ZNF490: variants seen among roughly 807,000 people sequenced by gnomAD.
ZNF490 encodes zinc finger protein 490.
Under a neutral mutation model 17.7 loss-of-function variants are expected in ZNF490, and 11 were observed. That is an observed-to-expected ratio of 0.62 (90% CI 0.39 to 1.03). The LOEUF (loss-of-function observed/expected upper bound fraction) is 1.03, where lower values mean the gene tolerates loss of function less well. Among genes scored for constraint, ZNF490 ranks in the 50% least tolerant of loss-of-function variants. The pLI, the probability that ZNF490 is intolerant of heterozygous loss-of-function variation, is 0.00. For synonymous variants in ZNF490, 222 were observed against 216.1 expected (o/e 1.03, Z -0.24); for missense variants, 542 against 643.4 (o/e 0.84, Z 1.71).
At chr19:12,598,130 A>G (rs2022957454) in intron 2 of ZNF490, among the ~76,000 whole-genome samples, 1 of 151,860 alleles carries the variant, frequency 6.6e-6, no homozygotes, top group African/African-American at 2.4e-5. Context: ...AGGCTGAGGC[A>G]GGAGAATCAC....
intron 2 of ZNF490, among the ~76,000 whole-genome samples, chr19:12,592,075 C>T (rs568382112): frequency 2.0e-5 from 3 of 152,284 alleles, no homozygotes; most frequent in South Asian, 2.1e-4. Context: ...CGGTGGCTCA[C>T]GCCTGTAATC....
intron 4 of ZNF490, 101 bp downstream of exon 4, chr19:12,582,749 A>T: frequency 9.4e-7 from 1 of 1,064,830 alleles, no homozygotes; most frequent in Non-Finnish European, 1.4e-6. Context: ...GAATGAATAA[A>T]CCTGAAACTC....
intron 1 of ZNF490, among the ~76,000 whole-genome samples, chr19:12,610,206 C>CT (rs59664090): frequency 7.8e-6 from 1 of 129,022 alleles, no homozygotes; most frequent in Non-Finnish European, 1.6e-5. Context: ...TCTTTCTTTC[C>CT]TTTTTTTTTT....
intron 2 of ZNF490, among the ~76,000 whole-genome samples, chr19:12,601,913 G>C (rs2023009682): frequency 6.6e-6 from 1 of 151,402 alleles, no homozygotes; most frequent in South Asian, 2.1e-4. Context: ...AGAATGGCGT[G>C]AACCCGGGAG....
chr19:12,607,260 G>A (rs992952850), intron 2 of ZNF490, among the ~76,000 whole-genome samples: 7 of 150,108 alleles, frequency 4.7e-5, no homozygotes, highest in African/African-American at 1.2e-4. Context: ...GCATGATCTC[G>A]GCTCACTGCA....
At position 12,581,728 on chromosome 19, in the gene ZNF490, T is replaced by C; in HGVS notation, c.351-4A>G. 6.3e-7 allele frequency: 1 copy of C among 1,597,646 alleles called. No homozygotes were observed. The highest frequency in any genetic ancestry group is 8.5e-7 in the Non-Finnish European group (1 of 1,171,598). On this transcript the variant is annotated splice_polypyrimidine_tract_variant and splice_region_variant and intron_variant, in intron 4 of 4. Coordinates refer to ENST00000311437, the MANE Select transcript of ZNF490 (RefSeq NM_020714.3). ...GAGTGCTTCAACCATAGGACTTCTG[T>C]AAAGAATGAGTACCGTATTATTAAT...
At chr19:12,607,410 GT>G (rs1243483113) in intron 2 of ZNF490, among the ~76,000 whole-genome samples, 2 of 151,908 alleles carry the variant, frequency 1.3e-5, no homozygotes, top group African/African-American at 4.8e-5. Context: ...CCTAGTCCTA[GT>G]TCCAGCTACT....
Position 12,593,629 on chromosome 19 carries a change from G to A in ZNF490, c.163-10073C>T, listed in dbSNP as rs139630713. On this transcript the variant is annotated intron_variant, in intron 2 of 4. Coordinates refer to ENST00000311437, the MANE Select transcript of ZNF490 (RefSeq NM_020714.3). Reference sequence around the variant, plus strand: ...AGAGTGTGTAAACATGTGCAGATGGGATTTATTGTTGGCCACTGCTAAGAT... The same window carrying A: ...AGAGTGTGTAAACATGTGCAGATGGAATTTATTGTTGGCCACTGCTAAGAT... Among the ~76,000 whole-genome samples, 7 of 152,274 alleles carry A rather than the reference G, an allele frequency of 4.6e-5. No individual in the cohort carries two copies. In the East Asian group the frequency reaches 1.4e-3, roughly 29 times the overall value.
At position 12,579,567 on chromosome 19, in the gene ZNF490, T is replaced by C. The variant is rs2022696539; in HGVS notation, c.*918A>G. Reference sequence around the variant, plus strand: ...AAAAAAAAAAAGTAAAACGAACAATTTGGGAGGCCAAGGTGGGTGGATCAT... The same window carrying C: ...AAAAAAAAAAAGTAAAACGAACAATCTGGGAGGCCAAGGTGGGTGGATCAT... On this transcript the variant is annotated 3_prime_UTR_variant, in exon 5 of 5. Transcript: ENST00000311437. The C allele has an allele frequency of 6.6e-6, 1 of 151,222 alleles. No individual in the cohort carries two copies. Among genetic ancestry groups the C allele is most frequent in the Admixed American group, 6.6e-5 (1 of 15,184 alleles). 9.4% of individuals were successfully genotyped at this position (151,222 alleles called of 1,614,324 possible).
At chr19:12,597,210 C>T in intron 2 of ZNF490, 1 of 457,902 alleles carries the variant, frequency 2.2e-6, no homozygotes, top group South Asian at 1.5e-5. Context: ...ACCTGCAGGT[C>T]CCAGTGAGAC....
At chr19:12,583,617 T>C (rs1298943779) in intron 2 of ZNF490, 61 bp from the exon 3 acceptor site, 3 of 1,460,690 alleles carry the variant, frequency 2.1e-6, no homozygotes, top group African/African-American at 1.4e-5. Context: ...TGAGGATCCA[T>C]TCTCAGAATT....
rs779198275 is a variant in ZNF490, at chr19:12,578,346, T to C, written c.*2139A>G. On this transcript the variant is annotated 3_prime_UTR_variant, in exon 5 of 5. Coordinates refer to ENST00000311437, the MANE Select transcript of ZNF490 (RefSeq NM_020714.3). ...CTAGCAGTTTTGAGATTATTCTGAC[T>C]GTGGTGGTTGGTGCAGGGCTGGTAA... 55 of 985,534 alleles carry C rather than the reference T, an allele frequency of 5.6e-5. No homozygotes were observed. Among genetic ancestry groups the C allele is most frequent in the Non-Finnish European group, 6.5e-5 (54 of 830,070 alleles). 61.0% of individuals were successfully genotyped at this position (985,534 alleles called of 1,614,324 possible). A position where few individuals can be genotyped will look rare whatever the true frequency, so the allele number is the denominator to read the frequency against.
rs2022691432 is a variant in ZNF490, at chr19:12,579,320, GCA to G, written c.*1163_*1164del. ...AATCCCAGCACTTTGGGAGGCCAAG[GCA>G]GGTGGATTACCTGAGGTCAGGAGTT... On this transcript the variant is annotated 3_prime_UTR_variant, in exon 5 of 5. Coordinates refer to ENST00000311437, the MANE Select transcript of ZNF490 (RefSeq NM_020714.3). The G allele has an allele frequency of 1.3e-5, 2 of 151,640 alleles. No homozygotes were observed. The highest frequency in any genetic ancestry group is 2.9e-5 in the Non-Finnish European group (2 of 67,976). The allele number at this position is 151,640 out of a possible 1,614,324, so 9.4% of individuals were successfully genotyped here.
chr19:12,602,049 G>A, intron 2 of ZNF490, among the ~76,000 whole-genome samples: 1 of 145,962 alleles, frequency 6.9e-6, no homozygotes, highest in East Asian at 2.0e-4. Flanking sequence ...CCCGATTCCT[G>A]GCACCGTTTT....
chr19:12,599,856 G>A (rs1292226124), intron 2 of ZNF490, among the ~76,000 whole-genome samples: 1 of 152,136 alleles, frequency 6.6e-6, no homozygotes, highest in African/African-American at 2.4e-5. Flanking sequence ...AAGAAATTCT[G>A]TGTGTAAACA....
rs2022757969 is a variant in ZNF490, at chr19:12,582,907, T to C, written c.293A>G (p.Glu98Gly). Residue 98 changes from glutamate to glycine, a missense_variant, in exon 4 of 5, where the codon GAA (glutamate) becomes GGA (glycine). Physicochemically the swap from Glu to Gly is moderately conservative, Grantham distance 98 (BLOSUM62 -2). Coordinates refer to ENST00000311437, the MANE Select transcript of ZNF490 (RefSeq NM_020714.3). Reference sequence around the variant, plus strand: ...TTCAATATCCTGGTCTTTCCATTTTTCCCCTAAAATACAAGCCCAGAGAAC... The same window carrying C: ...TTCAATATCCTGGTCTTTCCATTTTCCCCCTAAAATACAAGCCCAGAGAAC... ...ATFKNLACIG[E>G]KWKDQDIEDE... 6.2e-7 allele frequency: 1 copy of C among 1,611,084 alleles called. No homozygotes were observed. The highest frequency in any genetic ancestry group is 8.5e-7 in the Non-Finnish European group (1 of 1,178,644).
chr19:12,603,788 C>A (rs1339448059), intron 2 of ZNF490, among the ~76,000 whole-genome samples: 56 of 139,796 alleles, frequency 4.0e-4, no homozygotes, highest in African/African-American at 4.0e-4. Context: ...GACCCTATCT[C>A]AAAAAAAAAA....
chr19:12,598,656 C>T (rs977340593), intron 2 of ZNF490, among the ~76,000 whole-genome samples: 3 of 150,984 alleles, frequency 2.0e-5, no homozygotes, highest in Non-Finnish European at 4.4e-5. Context: ...GGATTACAGG[C>T]CTGAACCACC....
In ZNF490 at chr19:12,610,579, C is replaced by T. The variant is rs1252421713; in HGVS notation, c.102G>A (p.Gly34=). ...CCCCTGGTACCTGGAGGACATCAGA[C>T]CCTCCTGTTCCTGTGCGGCCTTGAC... ...SSSQGRTGTG[G]SDVLQMQNSE... Residue 34 remains glycine, a synonymous_variant, in exon 1 of 5, where the codon GGG becomes GGA. Coordinates refer to ENST00000311437, the MANE Select transcript of ZNF490 (RefSeq NM_020714.3). 2 of 1,613,604 alleles carry T rather than the reference C, an allele frequency of 1.2e-6. No homozygotes were observed. The highest frequency in any genetic ancestry group is 1.7e-6 in the Non-Finnish European group (2 of 1,179,792).
Sources: gnomAD v4.1 joint callset for allele counts (sites outside exome capture counted in the v4.1 genomes callset) on GRCh38, gnomAD v4.1.1 for gene constraint, MANE v1.5 for transcripts, NCBI Gene and HGNC (gene_info 2026-07-23, HGNC 2026-07-21) for gene names.